The following ZHX2 variants were observed in gnomAD, a reference collection of about 807,000 sequenced individuals.
ZHX2 encodes zinc fingers and homeoboxes 2.
Under a neutral mutation model 21.9 loss-of-function variants are expected in ZHX2, and 6 were observed. The ratio of observed to expected loss-of-function variants is 0.27; its 90% confidence interval spans 0.15 to 0.54. The LOEUF (loss-of-function observed/expected upper bound fraction) is 0.54, where lower values mean the gene tolerates loss of function less well. ZHX2 is among the 20% of genes least tolerant of loss of function. The pLI is 0.95. For synonymous variants in ZHX2, 434 were observed against 437.1 expected (o/e 0.99, Z 0.09); for missense variants, 908 against 1,090.7 (o/e 0.83, Z 2.36).
rs563753598 is a variant in ZHX2 at position 122,792,952 on chromosome 8, G to T, written c.-283+11006G>T. ...CAGCTCCTAGTGTATAGGGCACTGT[G>T]CTCACTGTTGTGGGGGTGAACACAG... On this transcript the variant is annotated intron_variant, in intron 1 of 3. Coordinates refer to ENST00000314393, the MANE Select transcript of ZHX2 (RefSeq NM_014943.5). Among the ~76,000 whole-genome samples, 3 of 152,294 alleles carry T rather than the reference G, an allele frequency of 2.0e-5. No individual in the cohort carries two copies. The East Asian group carries it at 5.8e-4, about 29-fold the overall frequency.
chr8:122,823,924 G>C (rs1271036259), intron 1 of ZHX2, among the ~76,000 whole-genome samples: 1 of 152,196 alleles, frequency 6.6e-6, no homozygotes, highest in Non-Finnish European at 1.5e-5. Context: ...GCACTTGTCT[G>C]TTTTGTTGAA....
chr8:122,807,462 G>A (rs777533818), intron 1 of ZHX2, among the ~76,000 whole-genome samples: 4 of 152,176 alleles, frequency 2.6e-5, no homozygotes, highest in Non-Finnish European at 5.9e-5. Flanking sequence ...GAAAAATAGA[G>A]TTTTCCTTTC....
chr8:122,797,631 G>A (rs1317536231), intron 1 of ZHX2, among the ~76,000 whole-genome samples: 3 of 152,046 alleles, frequency 2.0e-5, no homozygotes, highest in Admixed American at 6.6e-5. Flanking sequence ...AGTCAGCGCC[G>A]TCTTTGACGC....
chr8:122,864,368 C>G (rs1216518798), intron 2 of ZHX2, among the ~76,000 whole-genome samples: 1 of 151,956 alleles, frequency 6.6e-6, no homozygotes, highest in Non-Finnish European at 1.5e-5. Context: ...GTCTCTCCTA[C>G]GTTGTTGCCC....
rs903832931 is a variant in ZHX2, at chr8:122,828,346, G to A, written c.-282-35131G>A. Among the ~76,000 whole-genome samples the A allele has an allele frequency of 6.6e-6, 1 of 152,228 alleles. No individual in the cohort carries two copies. The highest frequency in any genetic ancestry group is 2.4e-5 in the African/African-American group (1 of 41,462). ...ACAGTGCATGTGCGTGTGTGTGTTA[G>A]TGATATGGAGGAAGAGGATCTCACT... is the stretch of plus-strand genomic sequence containing the variant. On this transcript the variant is annotated intron_variant, in intron 1 of 3. Coordinates refer to ENST00000314393, the MANE Select transcript of ZHX2 (RefSeq NM_014943.5). This position sits in a 1 kb window ranked among gnomAD's most constrained non-coding sequence, Gnocchi z 5.2.
chr8:122,953,742 G>T lies in ZHX2; in HGVS notation c.2232G>T (p.Lys744Asn), dbSNP rs767775136. ...PKKLCEEDLE[K>N]LVTRVKVGSE... is the part of the protein sequence containing the mutation. Reference sequence around the variant, plus strand: ...AGCTCTGCGAAGAGGACTTGGAGAAGTTGGTGACCAGGGTAAAAGTAGGCA... The same window carrying T: ...AGCTCTGCGAAGAGGACTTGGAGAATTTGGTGACCAGGGTAAAAGTAGGCA... The change falls in exon 3 of 4, where the codon AAG becomes AAT. Residue 744 changes from lysine (K) to asparagine (N), a missense_variant. Around this residue, in one of 4 missense-constraint regions of ZHX2, gnomAD observed 431 missense variants for 428.6 expected, o/e 1.01. Transcript: ENST00000314393. This position sits in a 1 kb window ranked among gnomAD's most constrained non-coding sequence, Gnocchi z 4.6. The T allele has an allele frequency of 5.0e-6, 8 of 1,614,148 alleles. No homozygotes were observed. In the Admixed American group the frequency reaches 1.3e-4, roughly 27 times the overall value.
chr8:122,859,657 G>T (rs1819114988), intron 1 of ZHX2, among the ~76,000 whole-genome samples: 1 of 152,144 alleles, frequency 6.6e-6, no homozygotes, highest in Non-Finnish European at 1.5e-5. Flanking sequence ...GAGGCCATGG[G>T]GTGGGGAGCG....
At chr8:122,784,748 A>C (rs1586569452) in intron 1 of ZHX2, among the ~76,000 whole-genome samples, 1 of 151,986 alleles carries the variant, frequency 6.6e-6, no homozygotes, top group South Asian at 2.1e-4. Context: ...CTTCATGACA[A>C]CTCTGATGTA....
At chr8:122,908,489 C>G (rs1209256590) in intron 2 of ZHX2, among the ~76,000 whole-genome samples, 1 of 152,190 alleles carries the variant, frequency 6.6e-6, no homozygotes. Context: ...GGATTACAGG[C>G]ATGAGCCACT....
At chr8:122,781,482 A>G (rs1487898788), upstream of ZHX2, 3 of 152,304 alleles carry the variant, frequency 2.0e-5, no homozygotes, top group Non-Finnish European at 2.9e-5. This position sits in a 1 kb window ranked among gnomAD's most constrained non-coding sequence, Gnocchi z 4.6. Context: ...CTTGGCCAGT[A>G]ACCAGCGCCT....
intron 1 of ZHX2, among the ~76,000 whole-genome samples, chr8:122,849,746 G>A (rs76438898): frequency 3.9e-5 from 6 of 152,182 alleles, no homozygotes; most frequent in African/African-American, 1.2e-4. Flanking sequence ...AAATAAGCTC[G>A]CATTCATGGG....
intron 1 of ZHX2, among the ~76,000 whole-genome samples, chr8:122,850,669 A>G (rs905363579): frequency 7.5e-5 from 11 of 146,618 alleles, no homozygotes; most frequent in African/African-American, 2.8e-4. Flanking sequence ...TGCCACCACT[A>G]CCTCCCACAT....
At chr8:122,890,709 C>A (rs558098524) in intron 2 of ZHX2, among the ~76,000 whole-genome samples, 36 of 151,926 alleles carry the variant, frequency 2.4e-4, no homozygotes, top group Non-Finnish European at 4.9e-4. Flanking sequence ...GTATTTTATT[C>A]TTGTAGCTAT....
intron 2 of ZHX2, among the ~76,000 whole-genome samples, chr8:122,892,697 T>A (rs1820011117): frequency 6.6e-6 from 1 of 152,196 alleles, no homozygotes; most frequent in African/African-American, 2.4e-5. Context: ...ATTTATTTAT[T>A]TTTTTGAGAC....
chr8:122,891,324 G>T (rs1256180120), intron 2 of ZHX2, among the ~76,000 whole-genome samples: 2 of 118,750 alleles, frequency 1.7e-5, no homozygotes, highest in East Asian at 2.4e-4. Flanking sequence ...GTGTGTGTGT[G>T]TAGTGTCTTT....
At chr8:122,815,296 A>G (rs1361123729) in intron 1 of ZHX2, 1 of 152,286 alleles carries the variant, frequency 6.6e-6, no homozygotes, top group African/African-American at 2.4e-5. Context: ...GAAAATGCTC[A>G]TTTTTATTGC....
In ZHX2 at chr8:122,782,437, G is replaced by A. The variant is rs2130500652; in HGVS notation, c.-283+491G>A. Among the ~76,000 whole-genome samples the A allele has an allele frequency of 6.6e-6, 1 of 152,224 alleles. No homozygotes were observed. Among genetic ancestry groups the A allele is most frequent in the East Asian group, 1.9e-4 (1 of 5,152 alleles). On this transcript the variant is annotated intron_variant, in intron 1 of 3. Coordinates refer to ENST00000314393, the MANE Select transcript of ZHX2 (RefSeq NM_014943.5). This position sits in a 1 kb window ranked among gnomAD's most constrained non-coding sequence, Gnocchi z 5.3. Reference sequence around the variant, plus strand: ...GTGCAAACGGGGCAGGTCCCGCGGGGACTCCACCGGGACGTGGCCCCGTCT... The same window carrying A: ...GTGCAAACGGGGCAGGTCCCGCGGGAACTCCACCGGGACGTGGCCCCGTCT...
intron 2 of ZHX2, among the ~76,000 whole-genome samples, chr8:122,921,059 G>T (rs913529849): frequency 6.6e-6 from 1 of 150,926 alleles, no homozygotes; most frequent in Admixed American, 6.6e-5. Flanking sequence ...GGAAGGACAT[G>T]TTTTTTTTTG....
chr8:122,971,701 C>G (rs192720167), intron 3 of ZHX2, among the ~76,000 whole-genome samples: 2 of 151,590 alleles, frequency 1.3e-5, no homozygotes, highest in Non-Finnish European at 2.9e-5. Context: ...CCAGTGGCTC[C>G]GAGAACCTAC....
Sources: gnomAD v4.1 joint callset for allele counts (sites outside exome capture counted in the v4.1 genomes callset) on GRCh38, gnomAD v4.1.1 for gene constraint, gnomAD v4.1.1 regional missense constraint, Gnocchi (gnomAD v3.1) non-coding constraint, MANE v1.5 for transcripts, NCBI Gene and HGNC (gene_info 2026-07-23, HGNC 2026-07-21) for gene names.